The following PCDH7 variants were observed in gnomAD, a reference collection of about 807,000 sequenced individuals.
PCDH7 encodes protocadherin-7.
PCDH7 carries 17 observed loss-of-function variants against 58.9 expected under a neutral mutation model. The observed-to-expected ratio is 0.29, with a 90% CI of 0.20 to 0.43. PCDH7 has a LOEUF of 0.43. Among genes scored for constraint, PCDH7 ranks in the 20% least tolerant of loss-of-function variants. PCDH7 has a pLI of 1.00. For missense variants in PCDH7, 1,274 were observed against 1,441.0 expected (o/e 0.88, Z 1.88); for synonymous variants, 664 against 616.4 (o/e 1.08, Z -1.14).
intron 2 of PCDH7, among the ~76,000 whole-genome samples, chr4:30,926,779 G>A (rs991370006): frequency 2.0e-5 from 3 of 152,068 alleles, no homozygotes; most frequent in Admixed American, 2.0e-4. Context: ...TGTCATTATG[G>A]TCTTTCTACA....
At chr4:31,013,789 C>G (rs1753397017) in intron 3 of PCDH7, among the ~76,000 whole-genome samples, 1 of 152,022 alleles carries the variant, frequency 6.6e-6, no homozygotes, top group Non-Finnish European at 1.5e-5. Context: ...TGGAATAACT[C>G]TAGCATTCTA....
intron 3 of PCDH7, among the ~76,000 whole-genome samples, chr4:31,081,334 C>A (rs1396816754): frequency 6.6e-6 from 1 of 152,096 alleles, no homozygotes; most frequent in African/African-American, 2.4e-5. Flanking sequence ...GCATTTATTT[C>A]TAAAGTGGAC....
At chr4:30,834,984 G>A (rs1268308668) in intron 1 of PCDH7, among the ~76,000 whole-genome samples, 1 of 151,778 alleles carries the variant, frequency 6.6e-6, no homozygotes, top group Non-Finnish European at 1.5e-5. Context: ...GTAAATACAT[G>A]TGTATGCAAT....
chr4:30,922,916 T>G (rs1743367215), intron 2 of PCDH7, among the ~76,000 whole-genome samples: 2 of 152,148 alleles, frequency 1.3e-5, no homozygotes, highest in Non-Finnish European at 2.9e-5. Context: ...AGCCATAAAG[T>G]GCAATTGTGT....
intron 1 of PCDH7, among the ~76,000 whole-genome samples, chr4:30,750,737 C>G (rs572418433): frequency 5.9e-5 from 9 of 151,838 alleles, no homozygotes; most frequent in Non-Finnish European, 8.8e-5. Context: ...AGGTACTGGC[C>G]CATGTACCGA....
intron 1 of PCDH7, among the ~76,000 whole-genome samples, chr4:30,815,020 T>TA (rs1727486836): frequency 6.6e-6 from 1 of 151,952 alleles, no homozygotes; most frequent in Non-Finnish European, 1.5e-5. Flanking sequence ...AAGCACAAAA[T>TA]AAACAGCAGT....
intron 2 of PCDH7, among the ~76,000 whole-genome samples, chr4:30,921,974 A>T (rs973010498): frequency 6.6e-6 from 1 of 151,718 alleles, no homozygotes; most frequent in South Asian, 2.1e-4. Context: ...TTATGAGTTT[A>T]TGGGGATTCA....
intron 1 of PCDH7, among the ~76,000 whole-genome samples, chr4:30,726,837 G>T (rs995800399): frequency 6.6e-6 from 1 of 151,876 alleles, no homozygotes; most frequent in Non-Finnish European, 1.5e-5. Context: ...CCTCAATATT[G>T]CTGTCAGGGG....
intron 3 of PCDH7, among the ~76,000 whole-genome samples, chr4:31,013,541 T>C (rs1410483242): frequency 6.6e-6 from 1 of 150,434 alleles, no homozygotes; most frequent in Non-Finnish European, 1.5e-5. Context: ...ACATACTCTT[T>C]CATTATAGTC....
At chr4:31,084,785 C>CG (rs1173377883) in intron 3 of PCDH7, among the ~76,000 whole-genome samples, 2 of 15,386 alleles carry the variant, frequency 1.3e-4, no homozygotes. Flanking sequence ...GGGGAGGGGA[C>CG]GGGGGGAGGG....
intron 1 of PCDH7, among the ~76,000 whole-genome samples, chr4:30,730,211 G>A (rs527920573): frequency 6.6e-6 from 1 of 151,906 alleles, no homozygotes; most frequent in East Asian, 1.9e-4. Flanking sequence ...CTATGGCAAG[G>A]TTTCCCATTC....
intron 1 of PCDH7, among the ~76,000 whole-genome samples, chr4:30,728,296 T>TATAG (rs1300466192): frequency 4.7e-5 from 5 of 105,456 alleles, no homozygotes; most frequent in African/African-American, 1.5e-4. Context: ...TATATATATA[T>TATAG]AGAGAGAGAG....
intron 2 of PCDH7, among the ~76,000 whole-genome samples, chr4:30,939,644 A>G (rs184886985): frequency 1.1e-3 from 162 of 152,234 alleles, no homozygotes; most frequent in African/African-American, 3.7e-3. Flanking sequence ...TGATTTGTCA[A>G]ATTTATGGCT....
chr4:30,974,412 G>T (rs28373466), intron 3 of PCDH7, among the ~76,000 whole-genome samples: 30,626 of 151,380 alleles, frequency 0.2, 3,512 homozygotes, highest in South Asian at 0.26. Flanking sequence ...TTAAATTTAG[G>T]TGTGCTTTAT....
intron 2 of PCDH7, among the ~76,000 whole-genome samples, chr4:30,941,166 T>C (rs1160703954): frequency 1.3e-5 from 2 of 151,934 alleles, no homozygotes; most frequent in Non-Finnish European, 2.9e-5. Context: ...AACTTGTATT[T>C]TAAAAATAAA....
intron 1 of PCDH7, among the ~76,000 whole-genome samples, chr4:30,898,691 C>A (rs1447799000): frequency 6.6e-6 from 1 of 152,188 alleles, no homozygotes; most frequent in African/African-American, 2.4e-5. Flanking sequence ...CCCGGGTTCA[C>A]ACCAGTGTCC....
intron 1 of PCDH7, among the ~76,000 whole-genome samples, chr4:30,894,490 A>AAATAT (rs1553909431): frequency 3.0e-5 from 1 of 33,520 alleles, no homozygotes; most frequent in Non-Finnish European, 5.8e-5. Context: ...AAAAAAAAAA[A>AAATAT]ATATATATAT....
intron 1 of PCDH7, among the ~76,000 whole-genome samples, chr4:30,824,144 T>TTTCTTTCTTTCG (rs1491138047): frequency 2.7e-5 from 4 of 147,754 alleles, no homozygotes; most frequent in African/African-American, 1.0e-4. Flanking sequence ...TCTTTCTTTC[T>TTTCTTTCTTTCG]TTCTTTCTTT....
intron 1 of PCDH7, among the ~76,000 whole-genome samples, chr4:30,775,449 GTAA>G (rs1234581817): frequency 6.6e-6 from 1 of 152,140 alleles, no homozygotes; most frequent in Non-Finnish European, 1.5e-5. Flanking sequence ...AGGGTATTGA[GTAA>G]TGTTTCAAGA....
Sources: gnomAD v4.1 joint callset for allele counts (sites outside exome capture counted in the v4.1 genomes callset) on GRCh38, gnomAD v4.1.1 for gene constraint, MANE v1.5 for transcripts, NCBI Gene and HGNC (gene_info 2026-07-23, HGNC 2026-07-21) for gene names.